The following ANO4 variants were observed in gnomAD, a reference collection of about 807,000 sequenced individuals.
The protein encoded by ANO4 is anoctamin-4.
A neutral mutation model predicts 141.9 loss-of-function variants in ANO4; 69 were observed. The observed-to-expected ratio is 0.49, with a 90% confidence interval of 0.40 to 0.59. The LOEUF is 0.59. Ranked by LOEUF, ANO4 falls within the 20% of genes least tolerant of loss-of-function variation. ANO4 has a pLI of 0.00. For missense variants in ANO4, 894 were observed against 1,162.2 expected (o/e 0.77, Z 3.36); for synonymous variants, 350 against 394.3 (o/e 0.89, Z 1.33).
At chr12:100,881,145 G>A (rs2039547962) in intron 1 of ANO4, among the ~76,000 whole-genome samples, 1 of 147,066 alleles carries the variant, frequency 6.8e-6, no homozygotes, top group African/African-American at 2.5e-5. Flanking sequence ...GGGGTGGGGG[G>A]AGGCGGGAGG....
chr12:100,883,653 G>A (rs77412150), intron 1 of ANO4, among the ~76,000 whole-genome samples: 7,175 of 151,996 alleles, frequency 0.047, 223 homozygotes, highest in Middle Eastern at 0.092. Flanking sequence ...ACTAAATTAG[G>A]TACTGGCAAA....
intron 1 of ANO4, among the ~76,000 whole-genome samples, chr12:100,860,111 T>C (rs1259221521): frequency 6.6e-6 from 1 of 152,168 alleles, no homozygotes; most frequent in Non-Finnish European, 1.5e-5. Flanking sequence ...ACCAGGGCCT[T>C]TAAAGCCTTA....
Position 101,073,969 on chromosome 12 carries a change from C to G in ANO4, c.1313-5224C>G, listed in dbSNP as rs137904742. ...TAGAAAATGGAGCAGAAAAAGCATG[C>G]AAAACTCTGTCTTGTAAATACAATT... On this transcript the variant is annotated intron_variant, in intron 14 of 27. Transcript: ENST00000392977. 5.9e-5 allele frequency among the ~76,000 whole-genome samples: 9 copies of G among 152,198 alleles called. No homozygotes were observed. The East Asian group carries it at 1.7e-3, about 29-fold the overall frequency.
intron 1 of ANO4, among the ~76,000 whole-genome samples, chr12:100,848,432 A>C (rs952332908): frequency 5.3e-5 from 8 of 152,218 alleles, no homozygotes; most frequent in African/African-American, 1.7e-4. Context: ...TTTTAAAAAA[A>C]GTGCAGATTC....
intron 5 of ANO4, among the ~76,000 whole-genome samples, chr12:100,947,707 T>C (rs1162863645): frequency 6.6e-6 from 1 of 152,220 alleles, no homozygotes; most frequent in Non-Finnish European, 1.5e-5. Flanking sequence ...TCAAAATTTT[T>C]ATGCTCACAT....
At chr12:100,849,047 G>A (rs539944354) in intron 1 of ANO4, among the ~76,000 whole-genome samples, 8 of 152,286 alleles carry the variant, frequency 5.3e-5, no homozygotes, top group South Asian at 2.1e-4. Context: ...CCTCGTGCAC[G>A]TGTTAGCATG....
intron 10 of ANO4, among the ~76,000 whole-genome samples, chr12:101,037,501 C>T (rs1566159244): frequency 6.6e-6 from 1 of 152,130 alleles, no homozygotes; most frequent in East Asian, 1.9e-4. Flanking sequence ...GTCTTTGCAA[C>T]AAATAAATGT....
rs192168869 is a variant in ANO4, at chr12:100,784,992, C to T, written c.358+44887C>T. ...TCTCTCTTTCTCTTTTTAAACAAAG[C>T]CCTTTGTTTTCTAGAGGTATCTACT... On this transcript the variant is annotated intron_variant, in intron 3 of 29. Coordinates refer to the ANO4 transcript ENST00000644049. Among the ~76,000 whole-genome samples, 11 of 152,014 alleles carry T rather than the reference C, an allele frequency of 7.2e-5. No individual in the cohort carries two copies. The East Asian group carries it at 1.9e-3, about 27-fold the overall frequency.
At chr12:101,051,075 T>C (rs2047847807) in intron 14 of ANO4, among the ~76,000 whole-genome samples, 1 of 152,264 alleles carries the variant, frequency 6.6e-6, no homozygotes, top group South Asian at 2.1e-4. Flanking sequence ...AGTAAATTTT[T>C]GTATGATGAC....
At chr12:100,808,866 G>A (rs928683365) in intron 1 of ANO4, among the ~76,000 whole-genome samples, 1 of 148,406 alleles carries the variant, frequency 6.7e-6, no homozygotes, top group Non-Finnish European at 1.5e-5. Flanking sequence ...ATTGAATTTA[G>A]TAAGTGTTTT....
At chr12:100,845,218 G>C (rs1251603293) in intron 1 of ANO4, among the ~76,000 whole-genome samples, 1 of 152,156 alleles carries the variant, frequency 6.6e-6, no homozygotes, top group Non-Finnish European at 1.5e-5. Context: ...GAAGCAGATG[G>C]AGATGGTGAG....
intron 2 of ANO4, among the ~76,000 whole-genome samples, chr12:100,907,806 C>A (rs1159699324): frequency 6.6e-6 from 1 of 152,174 alleles, no homozygotes; most frequent in Admixed American, 6.5e-5. Context: ...TACCTTTGTA[C>A]CCTCTCCACT....
intron 2 of ANO4, among the ~76,000 whole-genome samples, chr12:100,911,429 A>G (rs1286571434): frequency 6.6e-6 from 1 of 152,204 alleles, no homozygotes; most frequent in Non-Finnish European, 1.5e-5. Context: ...CTCAAACCTT[A>G]GCGTAAGAAA....
chr12:100,822,799 T>G (rs1431435375), intron 1 of ANO4, among the ~76,000 whole-genome samples: 1 of 151,974 alleles, frequency 6.6e-6, no homozygotes, highest in African/African-American at 2.4e-5. Context: ...CCCCTTATCT[T>G]TGGGGCTCTT....
At chr12:100,883,865 G>A (rs1376297377) in intron 1 of ANO4, among the ~76,000 whole-genome samples, 1 of 152,174 alleles carries the variant, frequency 6.6e-6, no homozygotes, top group Non-Finnish European at 1.5e-5. Context: ...TAAGTAGGGG[G>A]TAAATTATTT....
chr12:101,041,534 G>T (rs1213172216), intron 11 of ANO4, among the ~76,000 whole-genome samples: 3 of 152,158 alleles, frequency 2.0e-5, no homozygotes, highest in Non-Finnish European at 4.4e-5. Context: ...AGATTTTGCG[G>T]TTTTGGTTAG....
At chr12:100,755,561 A>G (rs2032569576) in intron 3 of ANO4, among the ~76,000 whole-genome samples, 1 of 152,218 alleles carries the variant, frequency 6.6e-6, no homozygotes, top group Non-Finnish European at 1.5e-5. Flanking sequence ...ATTTAAGTCT[A>G]GGTTCTATCC....
chr12:100,935,817 CT>C (rs2042263751), intron 3 of ANO4, among the ~76,000 whole-genome samples: 1 of 152,092 alleles, frequency 6.6e-6, no homozygotes, highest in African/African-American at 2.4e-5. Context: ...TTGAGAGTTG[CT>C]TTTTTCTTCT....
intron 9 of ANO4, among the ~76,000 whole-genome samples, chr12:101,035,378 G>A (rs778320507): frequency 6.6e-6 from 1 of 152,166 alleles, no homozygotes; most frequent in Non-Finnish European, 1.5e-5. Context: ...GAGATAGCAC[G>A]GGGAAGGGTG....
Sources: gnomAD v4.1 joint callset for allele counts (sites outside exome capture counted in the v4.1 genomes callset) on GRCh38, gnomAD v4.1.1 for gene constraint, MANE v1.5 for transcripts, NCBI Gene and HGNC (gene_info 2026-07-23, HGNC 2026-07-21) for gene names.